The following ATP8A2 variants were observed in gnomAD, a reference collection of about 807,000 sequenced individuals.
ATP8A2 encodes ATPase phospholipid transporting 8A2.
In ATP8A2, 100 loss-of-function variants were observed where a neutral mutation model predicts 165.6. The ratio of observed to expected loss-of-function variants is 0.60; its 90% CI spans 0.51 to 0.71. The LOEUF is 0.71. ATP8A2 is among the 30% of genes least tolerant of loss of function. ATP8A2 has a pLI of 0.00. For missense variants in ATP8A2, 1,227 were observed against 1,479.5 expected, an observed-to-expected ratio of 0.83 and a Z score of 2.80; for synonymous variants, 543 against 548.8, an observed-to-expected ratio of 0.99 and a Z score of 0.15.
At chr13:25,848,537 C>T (rs7333536) in intron 30 of ATP8A2, among the ~76,000 whole-genome samples, 1 of 152,134 alleles carries the variant, frequency 6.6e-6, no homozygotes, top group East Asian at 1.9e-4. Flanking sequence ...TTTTTACTTC[C>T]TTTTTCAGAT....
intron 33 of ATP8A2, among the ~76,000 whole-genome samples, chr13:25,922,503 T>A (rs1954487906): frequency 6.6e-6 from 1 of 152,206 alleles, no homozygotes; most frequent in African/African-American, 2.4e-5. Flanking sequence ...TTTGCAGAGA[T>A]GACAGAAAGG....
intron 1 of ATP8A2, among the ~76,000 whole-genome samples, chr13:25,427,489 G>C (rs767044572): frequency 6.6e-6 from 1 of 152,018 alleles, no homozygotes; most frequent in Non-Finnish European, 1.5e-5. Flanking sequence ...CTCCACGCCC[G>C]GGTCATGGGA....
At chr13:25,882,915 TGATGA>T (rs1953024368) in intron 33 of ATP8A2, among the ~76,000 whole-genome samples, 2 of 151,340 alleles carry the variant, frequency 1.3e-5, no homozygotes, top group Admixed American at 6.6e-5. Flanking sequence ...ATGATGATGA[TGATGA>T]TGATGATGAT....
intron 1 of ATP8A2, among the ~76,000 whole-genome samples, chr13:25,385,178 G>A (rs1451234054): frequency 1.3e-5 from 2 of 152,142 alleles, no homozygotes; most frequent in Non-Finnish European, 2.9e-5. Flanking sequence ...CCTTTCTTTT[G>A]CTGAAATGCC....
intron 1 of ATP8A2, among the ~76,000 whole-genome samples, chr13:25,465,671 CTTTCTT>C (rs1555274845): frequency 0.017 from 125 of 7,270 alleles, 1 homozygote; most frequent in Non-Finnish European, 0.035. Context: ...AGTTTTCTTT[CTTTCTT>C]TCTTTCTTTC....
At chr13:26,018,449 G>A (rs1470059677) in intron 36 of ATP8A2, among the ~76,000 whole-genome samples, 3 of 152,172 alleles carry the variant, frequency 2.0e-5, no homozygotes, top group African/African-American at 7.2e-5. Flanking sequence ...CACCCTTTTC[G>A]ACTTCTTTTC....
intron 33 of ATP8A2, among the ~76,000 whole-genome samples, chr13:25,902,938 T>TACACACACACACAC (rs1188149715): frequency 1.1e-5 from 1 of 88,300 alleles, no homozygotes; most frequent in Non-Finnish European, 2.2e-5. Context: ...ATCCTCAGCA[T>TACACACACACACAC]GCACACACAC....
chr13:25,396,019 T>C, intron 1 of ATP8A2, among the ~76,000 whole-genome samples: 1 of 152,142 alleles, frequency 6.6e-6, no homozygotes. Context: ...AATTTTTTTA[T>C]TTTTAGTAAA....
chr13:25,429,631 G>T (rs2138140210), intron 1 of ATP8A2, among the ~76,000 whole-genome samples: 1 of 152,286 alleles, frequency 6.6e-6, no homozygotes, highest in East Asian at 1.9e-4. Context: ...AAACCCGGTG[G>T]TTCCGCAGGC....
chr13:25,694,331 A>G (rs567299978), intron 24 of ATP8A2, among the ~76,000 whole-genome samples: 150 of 152,292 alleles, frequency 9.8e-4, no homozygotes, highest in Non-Finnish European at 1.1e-3. Flanking sequence ...GGGGAGGCCC[A>G]TGGGACTTGG....
At chr13:25,562,514 G>T (rs951732664) in intron 15 of ATP8A2, among the ~76,000 whole-genome samples, 13 of 152,160 alleles carry the variant, frequency 8.5e-5, no homozygotes, top group African/African-American at 3.1e-4. Context: ...ACCCACTATT[G>T]TATTAAGGGA....
At chr13:25,540,946 C>T (rs954717606) in intron 8 of ATP8A2, among the ~76,000 whole-genome samples, 1 of 151,652 alleles carries the variant, frequency 6.6e-6, no homozygotes, top group South Asian at 2.1e-4. Context: ...ACTACAACCT[C>T]TGCCTCCCGG....
intron 9 of ATP8A2, 103 bp downstream of exon 9, chr13:25,542,149 A>G: frequency 8.0e-7 from 1 of 1,253,930 alleles, no homozygotes; most frequent in Non-Finnish European, 1.1e-6. Context: ...ATTTTAAAAC[A>G]GTGAGATTTC....
chr13:25,399,623 C>T lies in ATP8A2; in HGVS notation c.76+27335C>T, dbSNP rs377010783. ...TTCACCGTTTTAGCCGGGATGGTCT[C>T]GATCTCCTGACCTCGTGATCCGCCC... On this transcript the variant is annotated intron_variant, in intron 1 of 36. Coordinates refer to ENST00000381655, the MANE Select transcript of ATP8A2 (RefSeq NM_016529.6). 4.5e-3 allele frequency among the ~76,000 whole-genome samples: 631 copies of T among 138,704 alleles called. 8 individuals carry two copies. The highest frequency in any genetic ancestry group is 0.016 in the African/African-American group (604 of 37,560). 91.0% of individuals were successfully genotyped at this position (138,704 alleles called of 152,430 possible).
intron 1 of ATP8A2, among the ~76,000 whole-genome samples, chr13:25,403,837 A>C (rs565230587): frequency 1.3e-5 from 2 of 152,356 alleles, no homozygotes; most frequent in East Asian, 1.9e-4. Context: ...GGGAGTGTCC[A>C]TGAAAATCCA....
intron 33 of ATP8A2, among the ~76,000 whole-genome samples, chr13:25,931,668 G>C (rs1181996): frequency 0.84 from 127,603 of 152,154 alleles, 53,739 homozygotes; most frequent in East Asian, 0.99. Flanking sequence ...AAATTAGAAG[G>C]AGCTTGAGCT....
chr13:25,973,113 C>T (rs1955950938), intron 35 of ATP8A2, among the ~76,000 whole-genome samples: 1 of 152,098 alleles, frequency 6.6e-6, no homozygotes. Flanking sequence ...GGTAAACAGA[C>T]CCGGTTGCTG....
chr13:25,975,378 C>A (rs990149838), intron 35 of ATP8A2, among the ~76,000 whole-genome samples: 1 of 152,004 alleles, frequency 6.6e-6, no homozygotes, highest in Non-Finnish European at 1.5e-5. Flanking sequence ...TGGAGACCAT[C>A]CATCCTGGCT....
intron 24 of ATP8A2, among the ~76,000 whole-genome samples, chr13:25,595,642 A>G (rs2040217422): frequency 2.0e-5 from 3 of 152,178 alleles, no homozygotes; most frequent in Admixed American, 2.0e-4. Flanking sequence ...GGGAAACAGA[A>G]TCTGCAGATT....
Sources: gnomAD v4.1 joint callset for allele counts (sites outside exome capture counted in the v4.1 genomes callset) on GRCh38, gnomAD v4.1.1 for gene constraint, MANE v1.5 for transcripts, NCBI Gene and HGNC (gene_info 2026-07-23, HGNC 2026-07-21) for gene names.